The following INPP5F variants were observed in gnomAD, a reference collection of about 807,000 sequenced individuals.
The protein encoded by INPP5F is inositol polyphosphate-5-phosphatase F.
A neutral mutation model predicts 137.2 loss-of-function variants in INPP5F; 97 were observed. The ratio of observed to expected loss-of-function variants is 0.71; its 90% CI spans 0.60 to 0.84. The LOEUF is 0.84. Among genes scored for constraint, INPP5F ranks in the 40% least tolerant of loss-of-function variants. The pLI is 0.00. For missense variants in INPP5F, 1,271 were observed against 1,371.9 expected, an observed-to-expected ratio of 0.93 and a Z score of 1.16; for synonymous variants, 504 against 476.9, an observed-to-expected ratio of 1.06 and a Z score of -0.74.
chr10:119,767,661 T>C (rs190518288), intron 2 of INPP5F, among the ~76,000 whole-genome samples: 19 of 152,350 alleles, frequency 1.2e-4, no homozygotes, highest in South Asian at 1.2e-3. Flanking sequence ...TCCATCTACA[T>C]GCTTACTTTC....
rs957069374 is a variant in INPP5F, at chr10:119,820,983, G to T, written c.1958+66G>T. 13 of 1,026,784 alleles carry T rather than the reference G, an allele frequency of 1.3e-5. No homozygotes were observed. The Admixed American group carries it at 1.5e-4, about 12-fold the overall frequency. 63.6% of individuals were successfully genotyped at this position (1,026,784 alleles called of 1,614,324 possible). On this transcript the variant is annotated intron_variant, in intron 16 of 19. Transcript: ENST00000650623. ...TAAACTTGAGTAAATTTTCTTTTTA[G>T]AATTCGTAACAAAAAAATGTGAGAA...
At chr10:119,781,860 A>AT (rs1254152234) in intron 3 of INPP5F, 89 bp downstream of exon 3, 1 of 1,047,482 alleles carries the variant, frequency 9.5e-7, no homozygotes, top group African/African-American at 1.6e-5. Flanking sequence ...AGAAACTTAC[A>AT]TTTTTAGAGC....
intron 1 of INPP5F, among the ~76,000 whole-genome samples, chr10:119,733,477 G>A (rs196222): frequency 0.99 from 151,406 of 152,344 alleles, 75,244 homozygotes; most frequent in Middle Eastern, 1. Flanking sequence ...TCCTCCAGTG[G>A]TGAGCAACCT....
chr10:119,813,385 A>C (rs558711655), intron 15 of INPP5F, among the ~76,000 whole-genome samples: 1 of 152,324 alleles, frequency 6.6e-6, no homozygotes, highest in Admixed American at 6.5e-5. Flanking sequence ...GGTGGCTTGC[A>C]CCTATAACCC....
chr10:119,782,962 A>C (rs1400901351), intron 3 of INPP5F, among the ~76,000 whole-genome samples: 1 of 152,212 alleles, frequency 6.6e-6, no homozygotes, highest in Non-Finnish European at 1.5e-5. Context: ...TTCAAATGTC[A>C]CTGGAAGTTT....
chr10:119,798,520 G>C, intron 8 of INPP5F, 23 bp from the exon 9 acceptor site: 1 of 1,585,802 alleles, frequency 6.3e-7, no homozygotes, highest in Non-Finnish European at 8.6e-7. Flanking sequence ...AGGAAAAAAA[G>C]ATTTTGTATC....
chr10:119,758,708 C>A (rs565973706), intron 2 of INPP5F, among the ~76,000 whole-genome samples: 3 of 152,288 alleles, frequency 2.0e-5, no homozygotes, highest in African/African-American at 7.2e-5. Flanking sequence ...AATAGAGGCT[C>A]TTTGTTTAGT....
At chr10:119,792,479 A>G (rs1454095807) in intron 6 of INPP5F, among the ~76,000 whole-genome samples, 1 of 152,076 alleles carries the variant, frequency 6.6e-6, no homozygotes, top group African/African-American at 2.4e-5. Flanking sequence ...AAGGCTGTGG[A>G]ACTCATGTTC....
chr10:119,785,114 A>G (rs1849836849), intron 3 of INPP5F, among the ~76,000 whole-genome samples: 1 of 151,540 alleles, frequency 6.6e-6, no homozygotes, highest in Non-Finnish European at 1.5e-5. Flanking sequence ...CAGTTGGTAG[A>G]CATTTGAGTT....
chr10:119,797,747 C>G, intron 8 of INPP5F, 107 bp downstream of exon 8: 1 of 734,382 alleles, frequency 1.4e-6, no homozygotes, highest in Non-Finnish European at 2.0e-6. Context: ...ATACTTCTTT[C>G]AAAACGATAA....
chr10:119,786,908 G>A (rs148581872), intron 3 of INPP5F, among the ~76,000 whole-genome samples: 3,413 of 152,012 alleles, frequency 0.022, 69 homozygotes, highest in Non-Finnish European at 0.033. Context: ...TTTGAACTTT[G>A]TTATACAGAT....
intron 1 of INPP5F, among the ~76,000 whole-genome samples, chr10:119,749,839 T>C (rs1330015956): frequency 6.6e-6 from 1 of 152,216 alleles, no homozygotes; most frequent in Non-Finnish European, 1.5e-5. Context: ...AGTGCCGTGG[T>C]GCGATCTTGG....
chr10:119,770,056 A>G lies in INPP5F; in HGVS notation c.179-11579A>G, dbSNP rs184064903. 2.1e-3 allele frequency among the ~76,000 whole-genome samples: 321 copies of G among 152,232 alleles called. 1 individual carries two copies. The highest frequency in any genetic ancestry group is 7.2e-3 in the African/African-American group (299 of 41,542). The stretch of plus-strand genomic sequence containing the variant: ...AGTGAGTCACTTTCTAAGTCAAGCA[A>G]TTGAATCTTTTCCAGGACTATTGTT... On this transcript the variant is annotated intron_variant, in intron 2 of 19. Transcript: ENST00000650623.
chr10:119,828,755 G>A lies in INPP5F; in HGVS notation c.*975G>A, dbSNP rs1851874333. ...CATGCCTGTGTTTCTAGCTACGCAG[G>A]AGGATTGCTTGAGCCCATGAGATTG... is the stretch of plus-strand genomic sequence containing the variant. On this transcript the variant is annotated 3_prime_UTR_variant, in exon 20 of 20. Coordinates refer to ENST00000650623, the MANE Select transcript of INPP5F (RefSeq NM_014937.4). The A allele has an allele frequency of 6.6e-6, 1 of 152,102 alleles. No individual in the cohort carries two copies. The highest frequency in any genetic ancestry group is 2.1e-4 in the South Asian group (1 of 4,830). The allele number at this position is 152,102 out of a possible 1,614,324, so 9.4% of individuals were successfully genotyped here.
chr10:119,804,035 G>C (rs776276543), intron 9 of INPP5F, 138 bp from the exon 10 acceptor site: 1 of 563,010 alleles, frequency 1.8e-6, no homozygotes, highest in African/African-American at 1.9e-5. Context: ...TAATTTCTAA[G>C]TATGGCTATA....
chr10:119,790,666 A>T (rs925012358), intron 3 of INPP5F, among the ~76,000 whole-genome samples: 6 of 152,236 alleles, frequency 3.9e-5, no homozygotes, highest in Non-Finnish European at 8.8e-5. Context: ...TCTTATTAAG[A>T]GTCTCCTACT....
intron 3 of INPP5F, among the ~76,000 whole-genome samples, chr10:119,791,120 G>A (rs547749896): frequency 3.9e-5 from 6 of 152,300 alleles, no homozygotes; most frequent in African/African-American, 4.8e-5. Flanking sequence ...TATTTAGCAC[G>A]GATACCTGTA....
At chr10:119,743,014 G>A (rs1228817373) in intron 1 of INPP5F, among the ~76,000 whole-genome samples, 1 of 152,132 alleles carries the variant, frequency 6.6e-6, no homozygotes, top group Non-Finnish European at 1.5e-5. Context: ...AAGAAAGAAA[G>A]AAAGAGCCCT....
intron 1 of INPP5F, among the ~76,000 whole-genome samples, chr10:119,745,592 A>G (rs1266850708): frequency 2.9e-5 from 1 of 34,308 alleles, no homozygotes; most frequent in African/African-American, 1.0e-4. Flanking sequence ...CTTTTGGGTA[A>G]GGTTTCCTTA....
Sources: allele counts gnomAD v4.1 joint callset (sites outside exome capture counted in the v4.1 genomes callset), GRCh38; gene constraint gnomAD v4.1.1; transcripts MANE v1.5; gene names NCBI Gene and HGNC (gene_info 2026-07-23, HGNC 2026-07-21).